Variants in RPGRIP1L observed in about 807,000 individuals in gnomAD.
RPGRIP1L encodes protein fantom.
A neutral mutation model predicts 160.4 loss-of-function variants in RPGRIP1L; 131 were observed. That is an observed-to-expected ratio of 0.82 (90% CI 0.71 to 0.94). The LOEUF is 0.94. RPGRIP1L is among the 40% of genes least tolerant of loss of function. The pLI is 0.00. For synonymous variants in RPGRIP1L, 510 were observed against 515.8 expected, an observed-to-expected ratio of 0.99 and a Z score of 0.15; for missense variants, 1,522 against 1,535.8, an observed-to-expected ratio of 0.99 and a Z score of 0.15.
intron 19 of RPGRIP1L, among the ~76,000 whole-genome samples, chr16:53,638,741 G>GA (rs1030312085): frequency 5.4e-5 from 8 of 149,482 alleles, no homozygotes; most frequent in East Asian, 1.9e-4. Context: ...GTGTAACTGT[G>GA]AAAAAAAAAT....
At chr16:53,615,377 C>A (rs1964297077) in intron 24 of RPGRIP1L, among the ~76,000 whole-genome samples, 1 of 149,930 alleles carries the variant, frequency 6.7e-6, no homozygotes, top group Non-Finnish European at 1.5e-5. Context: ...CAATAAAATA[C>A]AAATGTTTTG....
chr16:53,605,164 C>T (rs964924198), intron 26 of RPGRIP1L, among the ~76,000 whole-genome samples: 2 of 151,656 alleles, frequency 1.3e-5, no homozygotes, highest in African/African-American at 2.4e-5. Context: ...CAGAGCAAAA[C>T]TCTGTCTCAG....
intron 6 of RPGRIP1L, among the ~76,000 whole-genome samples, chr16:53,682,949 T>C (rs1969714599): frequency 6.6e-6 from 1 of 152,182 alleles, no homozygotes; most frequent in South Asian, 2.1e-4. Context: ...TAGAAGGGTA[T>C]ATAATGTCAC....
chr16:53,649,461 T>C (rs965412587), intron 15 of RPGRIP1L, among the ~76,000 whole-genome samples: 2 of 152,214 alleles, frequency 1.3e-5, no homozygotes, highest in Non-Finnish European at 2.9e-5. Flanking sequence ...ATAATACTTT[T>C]TTTAAACAAG....
chr16:53,645,884 G>C lies in RPGRIP1L; in HGVS notation c.2424C>G (p.His808Gln). 2 of 1,614,176 alleles carry C rather than the reference G, an allele frequency of 1.2e-6. No individual in the cohort carries two copies. The highest frequency in any genetic ancestry group is 1.7e-6 in the Non-Finnish European group (2 of 1,180,030). The change falls in exon 17 of 27, where the codon CAC becomes CAG. Residue 808 changes from histidine (H) to glutamine (Q), a missense_variant. Transcript: ENST00000647211. Reference protein sequence around the residue: ...CCNHLQSRASHLQPHPYVVYK... With the variant: ...CCNHLQSRASQLQPHPYVVYK... ...ACACAACATATGGGTGTGGCTGCAG[G>C]TGGCTTGCTCGGGACTGCAGGTGGT...
At chr16:53,652,201 T>C (rs546617984) in intron 15 of RPGRIP1L, among the ~76,000 whole-genome samples, 1 of 152,226 alleles carries the variant, frequency 6.6e-6, no homozygotes, top group African/African-American at 2.4e-5. Context: ...GCCTCCCAAG[T>C]AGCTGGGATT....
chr16:53,684,402 A>G (rs1054285379), intron 6 of RPGRIP1L, among the ~76,000 whole-genome samples: 34 of 152,212 alleles, frequency 2.2e-4, no homozygotes, highest in African/African-American at 8.0e-4. Flanking sequence ...ACCATGGAAT[A>G]CTATGCAGCC....
intron 23 of RPGRIP1L, among the ~76,000 whole-genome samples, chr16:53,621,672 A>G (rs954979593): frequency 4.6e-5 from 7 of 152,184 alleles, no homozygotes; most frequent in African/African-American, 1.7e-4. Flanking sequence ...ATGATGCTAG[A>G]CAATTTATTT....
chr16:53,662,236 T>G (rs988650184), intron 10 of RPGRIP1L, among the ~76,000 whole-genome samples: 1 of 152,154 alleles, frequency 6.6e-6, no homozygotes, highest in African/African-American at 2.4e-5. Flanking sequence ...TGCTAATATC[T>G]TCAGCTGTGA....
intron 14 of RPGRIP1L, among the ~76,000 whole-genome samples, chr16:53,654,094 G>A (rs1256276074): frequency 2.0e-5 from 3 of 152,142 alleles, no homozygotes; most frequent in Non-Finnish European, 4.4e-5. Context: ...CTCCCGAGTA[G>A]CTGGGATTAC....
rs1431976095 is a variant in RPGRIP1L at position 53,652,695 on chromosome 16, A to G, written c.1992T>C (p.His664=). The G allele has an allele frequency of 1.9e-6, 3 of 1,614,048 alleles. No individual in the cohort carries two copies. The highest frequency in any genetic ancestry group is 2.2e-5 in the South Asian group (2 of 91,086). Residue 664 remains histidine (H), a synonymous_variant, in exon 15 of 27, where the codon CAT becomes CAC. Coordinates refer to ENST00000647211, the MANE Select transcript of RPGRIP1L (RefSeq NM_015272.5). ...EYNFTSQYLV[H]VNDLFLQYIQ... ...TATATTGCAAAAATAAGTCATTAAC[A>G]TGAACAAGATATTGAGAAGTGAAGT...
intron 7 of RPGRIP1L, among the ~76,000 whole-genome samples, chr16:53,673,900 T>C (rs977844642): frequency 3.9e-5 from 6 of 152,194 alleles, no homozygotes; most frequent in African/African-American, 1.4e-4. Context: ...ACACCTGTTA[T>C]TGTTGGTATT....
chr16:53,656,169 A>G (rs1044476975), intron 14 of RPGRIP1L, among the ~76,000 whole-genome samples: 18 of 152,268 alleles, frequency 1.2e-4, no homozygotes, highest in Admixed American at 3.3e-4. Context: ...TTGAGTAGAA[A>G]AGAATCAAGG....
At chr16:53,659,179 GA>G in intron 10 of RPGRIP1L, 2 of 942,932 alleles carry the variant, frequency 2.1e-6, no homozygotes, top group Non-Finnish European at 2.6e-6. Flanking sequence ...AAATACCTGA[GA>G]AAATGTGTTT....
chr16:53,699,090 C>T (rs2151403743), intron 2 of RPGRIP1L, among the ~76,000 whole-genome samples: 1 of 152,194 alleles, frequency 6.6e-6, no homozygotes, highest in African/African-American at 2.4e-5. Flanking sequence ...TGACCTTACC[C>T]CGCAACCCTG....
chr16:53,695,564 AAAG>A (rs527657503), intron 3 of RPGRIP1L: 2 of 610,660 alleles, frequency 3.3e-6, no homozygotes, highest in Non-Finnish European at 5.8e-6. Context: ...TCTGAATAAA[AAAG>A]AATGAAAGAG....
intron 26 of RPGRIP1L, among the ~76,000 whole-genome samples, chr16:53,603,222 C>G (rs1214953028): frequency 6.6e-6 from 1 of 152,236 alleles, no homozygotes; most frequent in Non-Finnish European, 1.5e-5. Context: ...GATTCAATAC[C>G]TGAGACTCCA....
intron 23 of RPGRIP1L, among the ~76,000 whole-genome samples, chr16:53,620,045 T>C (rs559406298): frequency 1.3e-5 from 2 of 152,278 alleles, no homozygotes; most frequent in Non-Finnish European, 2.9e-5. Flanking sequence ...TGTCCTTTAG[T>C]ATCAAAATCC....
intron 4 of RPGRIP1L, among the ~76,000 whole-genome samples, chr16:53,689,568 A>T (rs1416459613): frequency 6.6e-6 from 1 of 152,154 alleles, no homozygotes; most frequent in Non-Finnish European, 1.5e-5. Context: ...TCCATCCTTT[A>T]TCCTGACAAG....
Sources: gnomAD v4.1 joint callset for allele counts (sites outside exome capture counted in the v4.1 genomes callset) on GRCh38, gnomAD v4.1.1 for gene constraint, MANE v1.5 for transcripts, NCBI Gene and HGNC (gene_info 2026-07-23, HGNC 2026-07-21) for gene names.